Variants in PIEZO1 observed in about 807,000 individuals in gnomAD.
The protein encoded by PIEZO1 is piezo type mechanosensitive ion channel component 1 (Er blood group).
PIEZO1 carries 296 observed loss-of-function variants against 297.2 expected under a neutral mutation model. The ratio of observed to expected loss-of-function variants is 1.00; its 90% CI spans 0.91 to 1.10. PIEZO1 has a LOEUF of 1.10. Ranked by LOEUF, PIEZO1 falls within the 50% of genes least tolerant of loss-of-function variation. The pLI, the probability that PIEZO1 is intolerant of heterozygous loss-of-function variation, is 0.00. For synonymous variants in PIEZO1, 2,427 were observed against 1,507.5 expected (o/e 1.61, Z -14.13); for missense variants, 5,018 against 3,455.5 (o/e 1.45, Z -11.34).
Position 88,732,540 on chromosome 16 carries a change from G to T in PIEZO1, c.2791-5C>A, listed in dbSNP as rs777272572. 6.5e-7 allele frequency: 1 copy of T among 1,544,966 alleles called. No individual in the cohort carries two copies. Among genetic ancestry groups the T allele is most frequent in the Non-Finnish European group, 8.8e-7 (1 of 1,142,674 alleles). The stretch of plus-strand genomic sequence containing the variant: ...CAGCAGCACTTGCAGGTGGTTCTGC[G>T]GAGGGCAAGGGTCAGGGGGCAGCCG... On this transcript the variant is annotated splice_region_variant and splice_polypyrimidine_tract_variant and intron_variant, in intron 20 of 50. Transcript: ENST00000301015.
At chr16:88,761,713 G>T (rs1906942068) in intron 1 of PIEZO1, among the ~76,000 whole-genome samples, 1 of 152,044 alleles carries the variant, frequency 6.6e-6, no homozygotes. Flanking sequence ...GGCCTGGGTG[G>T]CCCTTCCCCC....
rs1906789133 is a variant in PIEZO1, at chr16:88,758,721, A to G, written c.65-9242T>C. 7.2e-5 allele frequency among the ~76,000 whole-genome samples: 11 copies of G among 152,210 alleles called. No individual in the cohort carries two copies. The South Asian group carries it at 2.3e-3, about 32-fold the overall frequency. ...TGGGCTCTGGCCCTGACCTCTCACA[A>G]CTGCTGAGATGACCACAGATGAGCC... On this transcript the variant is annotated intron_variant, in intron 1 of 50. Coordinates refer to ENST00000301015, the MANE Select transcript of PIEZO1 (RefSeq NM_001142864.4).
intron 10 of PIEZO1, 30 bp downstream of exon 10, chr16:88,737,529 C>G (rs1477396387): frequency 4.1e-6 from 6 of 1,469,892 alleles, no homozygotes; most frequent in Non-Finnish European, 5.5e-6. Context: ...CCCCCGCACC[C>G]AGCCATACCT....
intron 44 of PIEZO1, chr16:88,717,963 G>C (rs1366707048): frequency 5.7e-6 from 2 of 349,718 alleles, no homozygotes; most frequent in Non-Finnish European, 1.1e-5. Flanking sequence ...CACACCTGTA[G>C]TCCCAGCTAC....
rs755995147 is a variant in PIEZO1 at position 88,721,555 on chromosome 16, G to A, written c.5386C>T (p.His1796Tyr). ...ACACTCACCAGCAGCTGGGAGCGGT[G>A]GAAGAAAAGGGCCATGAGCTGCACC... The part of the protein sequence containing the change: ...DLVQLMALFF[H>Y]RSQLLCYGLW... Residue 1796 changes from histidine to tyrosine, a missense_variant, in exon 38 of 51, where the codon CAC (histidine) becomes TAC (tyrosine). Physicochemically the swap from His to Tyr is moderately conservative, Grantham distance 83. Transcript: ENST00000301015. The A allele has an allele frequency of 1.9e-6, 3 of 1,549,614 alleles. No homozygotes were observed. In the South Asian group the frequency reaches 3.6e-5, roughly 18 times the overall value.
Position 88,742,109 on chromosome 16 carries a change from CG to C in PIEZO1, c.284-15del, listed in dbSNP as rs746559713. 1 of 1,535,810 alleles carries C rather than the reference CG, an allele frequency of 6.5e-7. No homozygotes were observed. ...CCCAGCGGCTGCCTGCAGAGAAAGA[CG>C]GGGGAACCCAGGTCAGGCTCTGCCC... is the stretch of plus-strand genomic sequence containing the variant. On this transcript the variant is annotated splice_polypyrimidine_tract_variant and intron_variant, in intron 3 of 50. Transcript: ENST00000301015.
intron 1 of PIEZO1, among the ~76,000 whole-genome samples, chr16:88,776,017 G>A (rs542977972): frequency 2.0e-5 from 3 of 152,340 alleles, no homozygotes; most frequent in East Asian, 3.9e-4. Flanking sequence ...AGCACAGGCC[G>A]TGGGGCAGTC....
chr16:88,781,036 G>A (rs974584226), intron 1 of PIEZO1, among the ~76,000 whole-genome samples: 16 of 152,232 alleles, frequency 1.1e-4, no homozygotes, highest in Non-Finnish European at 2.4e-4. Flanking sequence ...GAATTGAAAA[G>A]GGGATTTCTG....
intron 1 of PIEZO1, among the ~76,000 whole-genome samples, chr16:88,753,183 C>A (rs1341693713): frequency 2.6e-5 from 3 of 113,868 alleles, no homozygotes; most frequent in Admixed American, 8.7e-5. Flanking sequence ...ACCTATCCAT[C>A]CCCAGAGCAC....
intron 1 of PIEZO1, among the ~76,000 whole-genome samples, chr16:88,763,658 C>T (rs1283749674): frequency 6.6e-6 from 1 of 152,224 alleles, no homozygotes; most frequent in Non-Finnish European, 1.5e-5. Context: ...CCGGTAGGTG[C>T]TCCCTGACAC....
Position 88,727,074 on chromosome 16 carries a change from C to G in PIEZO1, c.3420G>C (p.Gly1140=). The G allele has an allele frequency of 6.5e-7, 1 of 1,549,538 alleles. No individual in the cohort carries two copies. The highest frequency in any genetic ancestry group is 8.7e-7 in the Non-Finnish European group (1 of 1,146,356). Residue 1140 remains glycine (G), a synonymous_variant, in exon 24 of 51, where the codon GGG becomes GGC. Transcript: ENST00000301015. ...TAAAGTTGGGCACGGGGTTGGGCTC[C>G]CCCCGCAGCGGCTCCAGGCGGTCGG... ...VNTDRLEPLR[G]EPNPVPNFIH... is the part of the protein sequence containing the mutation.
intron 1 of PIEZO1, among the ~76,000 whole-genome samples, chr16:88,751,286 G>A (rs1906375954): frequency 6.6e-6 from 1 of 152,196 alleles, no homozygotes; most frequent in African/African-American, 2.4e-5. Context: ...TCACAGCCTG[G>A]TGGGGCCTCC....
chr16:88,754,460 G>A (rs1256546275), intron 1 of PIEZO1, among the ~76,000 whole-genome samples: 1 of 152,180 alleles, frequency 6.6e-6, no homozygotes, highest in Non-Finnish European at 1.5e-5. Flanking sequence ...TCCAGTTCCT[G>A]GGATGAGACC....
At chr16:88,735,854 TCA>T (rs3043600) in intron 12 of PIEZO1, among the ~76,000 whole-genome samples, 7 of 152,148 alleles carry the variant, frequency 4.6e-5, no homozygotes, top group African/African-American at 1.2e-4. Context: ...TAGCCCATGC[TCA>T]CACACAGTGT....
At chr16:88,741,381 A>T in intron 5 of PIEZO1, 97 bp downstream of exon 5, 1 of 1,155,498 alleles carries the variant, frequency 8.7e-7, no homozygotes, top group Non-Finnish European at 1.2e-6. Flanking sequence ...CAAAACGTCT[A>T]CATCTGTTTT....
intron 1 of PIEZO1, among the ~76,000 whole-genome samples, chr16:88,774,686 G>A (rs559632201): frequency 6.6e-6 from 1 of 152,344 alleles, no homozygotes; most frequent in East Asian, 1.9e-4. Context: ...CAAGGATGGG[G>A]CCCAAGGGCA....
intron 1 of PIEZO1, among the ~76,000 whole-genome samples, chr16:88,776,481 C>T (rs1907671678): frequency 6.6e-6 from 1 of 151,634 alleles, no homozygotes; most frequent in Admixed American, 6.6e-5. Context: ...CCTGGTGGCT[C>T]AGGGCATTGC....
chr16:88,727,130 C>A lies in PIEZO1; in HGVS notation c.3364G>T (p.Glu1122Ter). The change falls in exon 24 of 51, where the codon GAG becomes TAG. Residue 1122 changes from glutamate to a stop codon, truncating the protein, a stop_gained. Transcript: ENST00000301015. LOFTEE classifies it high-confidence loss of function. ...QWQVFSAERT[E>*]EWQRMAGVNT... ...ACGCCAGCCATGCGCTGCCACTCCT[C>A]TGTGCGCTCAGCTGAGAACACCTGC... 1 of 1,549,976 alleles carries A rather than the reference C, an allele frequency of 6.5e-7. No individual in the cohort carries two copies. Among genetic ancestry groups the A allele is most frequent in the Non-Finnish European group, 8.7e-7 (1 of 1,146,728 alleles).
At chr16:88,736,518 C>T (rs968885634) in intron 11 of PIEZO1, 110 bp from the exon 12 acceptor site, 23 of 594,630 alleles carry the variant, frequency 3.9e-5, no homozygotes, top group Admixed American at 1.8e-4. Context: ...CCCACCCAGG[C>T]GATGCCCCAC....
Sources: allele counts gnomAD v4.1 joint callset (sites outside exome capture counted in the v4.1 genomes callset), GRCh38; gene constraint gnomAD v4.1.1; transcripts MANE v1.5; gene names NCBI Gene and HGNC (gene_info 2026-07-23, HGNC 2026-07-21).